The following JMY variants were observed in gnomAD, a reference collection of about 807,000 sequenced individuals.
JMY encodes the protein junction mediating and regulatory protein, p53 cofactor.
JMY carries 46 observed loss-of-function variants against 103.3 expected under a neutral mutation model. That is an observed-to-expected ratio of 0.45 (90% confidence interval 0.35 to 0.57). JMY has a LOEUF of 0.57. Ranked by LOEUF, JMY falls within the 20% of genes least tolerant of loss-of-function variation. The pLI, the probability that JMY is intolerant of heterozygous loss-of-function variation, is 0.00. For missense variants in JMY, 1,238 were observed against 1,255.2 expected, an observed-to-expected ratio of 0.99 and a Z score of 0.21; for synonymous variants, 526 against 489.3, an observed-to-expected ratio of 1.07 and a Z score of -0.99.
chr5:79,242,082 C>G (rs914217234), intron 1 of JMY, among the ~76,000 whole-genome samples: 1 of 152,178 alleles, frequency 6.6e-6, no homozygotes, highest in African/African-American at 2.4e-5. Flanking sequence ...AAGATCTAAT[C>G]ATCAGTGTTC....
chr5:79,246,881 CA>C (rs113796518), intron 1 of JMY, among the ~76,000 whole-genome samples: 167 of 141,088 alleles, frequency 1.2e-3, no homozygotes, highest in Middle Eastern at 7.3e-3. Flanking sequence ...GACACCATCT[CA>C]AAAAAAAAAA....
rs148408825 is a variant in JMY, at chr5:79,249,653, C to T, written c.1032+11971C>T. ...TGTTTTTGGGTTTAAAAATTGAAAACTGGAAGGAATTTCAAAATTGAGTAA... is the reference window on the plus strand; with the variant it reads ...TGTTTTTGGGTTTAAAAATTGAAAATTGGAAGGAATTTCAAAATTGAGTAA... On this transcript the variant is annotated intron_variant, in intron 1 of 10. Coordinates refer to ENST00000396137, the MANE Select transcript of JMY (RefSeq NM_152405.5). Among the ~76,000 whole-genome samples the T allele has an allele frequency of 4.1e-4, 62 of 152,282 alleles. No homozygotes were observed. In the East Asian group the frequency reaches 0.011, roughly 27 times the overall value.
In JMY at chr5:79,270,593, A is replaced by AAAATATATTTACAT. The variant is rs1302082697; in HGVS notation, c.1033-7313_1033-7312insATATTTACATAAAT. 4.2e-3 allele frequency among the ~76,000 whole-genome samples: 357 copies of AAAATATATTTACAT among 85,524 alleles called. 99 individuals are homozygous for AAAATATATTTACAT. The highest frequency in any genetic ancestry group is 6.0e-3 in the Middle Eastern group (1 of 166). 56.1% of individuals were successfully genotyped at this position (85,524 alleles called of 152,430 possible). On this transcript the variant is annotated intron_variant, in intron 1 of 10. Coordinates refer to ENST00000396137, the MANE Select transcript of JMY (RefSeq NM_152405.5). ...AAAATGTATATTTACATAAATATTTAAAATGTATATTTACATAAATGTTTA... is the reference window on the plus strand; with the variant it reads ...AAAATGTATATTTACATAAATATTTAAAATATATTTACATAAATGTATATTTACATAAATGTTTA...
Position 79,237,023 on chromosome 5 carries a change from G to T in JMY, c.373G>T (p.Asp125Tyr), listed in dbSNP as rs1376493156. The change falls in exon 1 of 11, where the codon GAC (aspartate) becomes TAC (tyrosine). Residue 125 changes from aspartate to tyrosine, a missense_variant. Coordinates refer to ENST00000396137, the MANE Select transcript of JMY (RefSeq NM_152405.5). ...TCGGAGCACTCGCAGCCTTCTGGGGGACCCGCGGCTGCGGAGTCCTGGCAG... is the reference window on the plus strand; with the variant it reads ...TCGGAGCACTCGCAGCCTTCTGGGGTACCCGCGGCTGCGGAGTCCTGGCAG... ...SPRSTRSLLG[D>Y]PRLRSPGSKG... The T allele has an allele frequency of 4.7e-6, 7 of 1,499,654 alleles. No homozygotes were observed. The highest frequency in any genetic ancestry group is 4.2e-5 in the African/African-American group (3 of 71,412). The allele number at this position is 1,499,654 out of a possible 1,614,324, so 92.9% of individuals were successfully genotyped here. A position where few individuals can be genotyped will look rare whatever the true frequency, so the allele number is the denominator to read the frequency against.
At chr5:79,300,651 ACTC>A in intron 5 of JMY, 22 bp from the exon 6 acceptor site, 1 of 1,556,530 alleles carries the variant, frequency 6.4e-7, no homozygotes, top group South Asian at 1.2e-5. Flanking sequence ...CTTTACCACT[ACTC>A]TTTTTTGCTG....
intron 2 of JMY, among the ~76,000 whole-genome samples, chr5:79,282,781 G>C (rs1388733389): frequency 6.6e-6 from 1 of 152,164 alleles, no homozygotes; most frequent in East Asian, 1.9e-4. Flanking sequence ...ATGGTTGCCA[G>C]AAAGTAGCGT....
chr5:79,301,677 G>A (rs1746737119), intron 6 of JMY, among the ~76,000 whole-genome samples: 1 of 152,166 alleles, frequency 6.6e-6, no homozygotes, highest in African/African-American at 2.4e-5. Flanking sequence ...CCAGAGCCCT[G>A]GCTTTCACAT....
intron 4 of JMY, among the ~76,000 whole-genome samples, chr5:79,291,515 A>G (rs1259586299): frequency 6.6e-6 from 1 of 152,226 alleles, no homozygotes; most frequent in Non-Finnish European, 1.5e-5. Context: ...GCAGCACTGC[A>G]CTGTTGATCA....
chr5:79,270,405 T>C (rs1018485125), intron 1 of JMY, among the ~76,000 whole-genome samples: 5 of 108,830 alleles, frequency 4.6e-5, no homozygotes, highest in East Asian at 2.3e-4. Context: ...TATATTTACA[T>C]AAATATTTAA....
intron 1 of JMY, among the ~76,000 whole-genome samples, chr5:79,242,572 T>C (rs1053055213): frequency 6.6e-6 from 1 of 152,174 alleles, no homozygotes; most frequent in African/African-American, 2.4e-5. Context: ...TCCTGTGGAC[T>C]TCACCAAGGC....
intron 4 of JMY, 95 bp downstream of exon 4, chr5:79,291,394 A>G (rs1349156917): frequency 2.0e-6 from 2 of 1,015,524 alleles, no homozygotes; most frequent in Non-Finnish European, 2.8e-6. Flanking sequence ...ATAGGCAGTG[A>G]TTTTATGCCA....
At chr5:79,275,587 C>T (rs1473124613) in intron 1 of JMY, among the ~76,000 whole-genome samples, 1 of 152,112 alleles carries the variant, frequency 6.6e-6, no homozygotes, top group Non-Finnish European at 1.5e-5. Flanking sequence ...GTTGATGTCC[C>T]TTCCATTTTA....
chr5:79,237,574 G>T lies in JMY; in HGVS notation c.924G>T (p.Val308=). ...GCGGCTGGAAGATCCTCTCCCAGGT[G>T]CTCTTCACCGAGACCGATGATCCCG... ...DTCGWKILSQ[V]LFTETDDPEE... The change falls in exon 1 of 11, where the codon GTG becomes GTT. Residue 308 remains valine (V), a synonymous_variant. Transcript: ENST00000396137. 1.9e-6 allele frequency: 3 copies of T among 1,613,694 alleles called. No individual in the cohort carries two copies. The highest frequency in any genetic ancestry group is 2.2e-5 in the South Asian group (2 of 91,070).
At chr5:79,262,562 A>G (rs1425900945) in intron 1 of JMY, among the ~76,000 whole-genome samples, 1 of 152,244 alleles carries the variant, frequency 6.6e-6, no homozygotes. Context: ...AAATGAAGTT[A>G]TAAAATGCAT....
intron 2 of JMY, among the ~76,000 whole-genome samples, chr5:79,280,318 T>C (rs1420871788): frequency 6.6e-6 from 1 of 152,228 alleles, no homozygotes; most frequent in Non-Finnish European, 1.5e-5. Flanking sequence ...CACATTCTTT[T>C]ACATAATTAT....
rs751640498 is a variant in JMY at position 79,278,134 on chromosome 5, G to C, written c.1206+51G>C. The C allele has an allele frequency of 2.9e-6, 4 of 1,387,136 alleles. No homozygotes were observed. The Admixed American group carries it at 7.6e-5, about 26-fold the overall frequency. The allele number at this position is 1,387,136 out of a possible 1,614,324, so 85.9% of individuals were successfully genotyped here. On this transcript the variant is annotated intron_variant, in intron 2 of 10. Coordinates refer to ENST00000396137, the MANE Select transcript of JMY (RefSeq NM_152405.5). The stretch of plus-strand genomic sequence containing the variant: ...TAGCCTGCCTGTTTCATAGTTCTCA[G>C]CCTGAAAGGCCATGCGTTATCCACA...
intron 1 of JMY, among the ~76,000 whole-genome samples, chr5:79,252,672 A>G (rs1745123368): frequency 2.0e-5 from 3 of 152,196 alleles, no homozygotes; most frequent in South Asian, 4.1e-4. Context: ...TAAAATTGCT[A>G]TACCCTCTTG....
intron 1 of JMY, among the ~76,000 whole-genome samples, chr5:79,245,021 C>T (rs1028104301): frequency 1.3e-5 from 2 of 151,856 alleles, no homozygotes; most frequent in Non-Finnish European, 2.9e-5. Flanking sequence ...GGGGGATTGT[C>T]CTTTATGTTT....
At chr5:79,282,939 T>C (rs1746162056) in intron 2 of JMY, among the ~76,000 whole-genome samples, 1 of 151,122 alleles carries the variant, frequency 6.6e-6, no homozygotes, top group Non-Finnish European at 1.5e-5. Flanking sequence ...GTTGTGTCTG[T>C]TGGGTTCTAA....
Sources: allele counts gnomAD v4.1 joint callset (sites outside exome capture counted in the v4.1 genomes callset), GRCh38; gene constraint gnomAD v4.1.1; transcripts MANE v1.5; gene names NCBI Gene and HGNC (gene_info 2026-07-23, HGNC 2026-07-21).